Variants in FMNL1 observed in about 807,000 individuals in gnomAD.
FMNL1 encodes the protein formin-like protein 1.
A neutral mutation model predicts 121.3 loss-of-function variants in FMNL1; 43 were observed. That is an observed-to-expected ratio of 0.35 (90% CI 0.28 to 0.46). FMNL1 has a LOEUF of 0.46. Ranked by LOEUF, FMNL1 falls within the 20% of genes least tolerant of loss-of-function variation. FMNL1 has a pLI of 1.00. For synonymous variants in FMNL1, 613 were observed against 613.5 expected, an observed-to-expected ratio of 1.00 and a Z score of 0.01; for missense variants, 1,191 against 1,482.4, an observed-to-expected ratio of 0.80 and a Z score of 3.23.
intron 1 of FMNL1, among the ~76,000 whole-genome samples, chr17:45,227,625 T>C (rs1216630113): frequency 1.3e-5 from 2 of 152,152 alleles, no homozygotes; most frequent in Non-Finnish European, 2.9e-5. Flanking sequence ...TTTCTGGATG[T>C]TTTCACAAAC....
In FMNL1 at chr17:45,245,316, G is replaced by C; in HGVS notation, c.2792G>C (p.Arg931Thr). Residue 931 changes from arginine (R) to threonine (T), a missense_variant, in exon 22 of 27, where the codon AGA (arginine) becomes ACA (threonine). By Grantham distance (71) the Arg-to-Thr change is moderately conservative. Around this residue, in one of 4 missense-constraint regions of FMNL1, gnomAD observed 367 missense variants for 528.6 expected, o/e 0.69. Coordinates refer to ENST00000331495, the MANE Select transcript of FMNL1 (RefSeq NM_005892.4). ...CAGCGAGGCCTAGAGTTGACACAGA[G>C]AGAGTTTGTGCGGCAGGATGACTGC... ...SLQRGLELTQ[R>T]EFVRQDDCMV... is the part of the protein sequence containing the mutation. 1 of 1,614,214 alleles carries C rather than the reference G, an allele frequency of 6.2e-7. No homozygotes were observed. The highest frequency in any genetic ancestry group is 8.5e-7 in the Non-Finnish European group (1 of 1,180,024).
In FMNL1 at chr17:45,237,737, C is replaced by T; in HGVS notation, c.894+98C>T. On this transcript the variant is annotated intron_variant, in intron 9 of 26. Coordinates refer to ENST00000331495, the MANE Select transcript of FMNL1 (RefSeq NM_005892.4). The surrounding 1 kb of genome is among the most constrained non-coding windows in gnomAD (Gnocchi z 4.4). ...GGCCTTTGCTGGAGGCAGCTGGGGA[C>T]ATTGGGTGGGCATTTGGGGAACGCC... The T allele has an allele frequency of 7.4e-7, 1 of 1,351,388 alleles. No homozygotes were observed. Among genetic ancestry groups the T allele is most frequent in the African/African-American group, 1.4e-5 (1 of 69,532 alleles). The allele number at this position is 1,351,388 out of a possible 1,614,324, so 83.7% of individuals were successfully genotyped here. A position where few individuals can be genotyped will look rare whatever the true frequency, so the allele number is the denominator to read the frequency against.
chr17:45,242,315 C>T, intron 15 of FMNL1, 26 bp from the exon 16 acceptor site: 1 of 1,611,622 alleles, frequency 6.2e-7, no homozygotes, highest in Non-Finnish European at 8.5e-7. Flanking sequence ...CCAGTGCTCA[C>T]CACTGCCCCC....
In FMNL1 at chr17:45,241,097, G is replaced by T. The variant is rs775514459; in HGVS notation, c.1231-32G>T. The T allele has an allele frequency of 6.2e-7, 1 of 1,612,458 alleles. No individual in the cohort carries two copies. The highest frequency in any genetic ancestry group is 2.2e-5 in the East Asian group (1 of 44,828). On this transcript the variant is annotated intron_variant, in intron 12 of 26. Transcript: ENST00000331495. This position sits in a 1 kb window ranked among gnomAD's most constrained non-coding sequence, Gnocchi z 7.0. ...ACCGGCGGTGCCAGTGCCGGGCTGCGGGTCGGGGCTCACCATGTGCTGGTG... is the reference window on the plus strand; with the variant it reads ...ACCGGCGGTGCCAGTGCCGGGCTGCTGGTCGGGGCTCACCATGTGCTGGTG...
rs778103956 is a variant in FMNL1, at chr17:45,233,140, C to A, written c.328-84C>A. On this transcript the variant is annotated intron_variant, in intron 3 of 26. Coordinates refer to ENST00000331495, the MANE Select transcript of FMNL1 (RefSeq NM_005892.4). This position sits in a 1 kb window ranked among gnomAD's most constrained non-coding sequence, Gnocchi z 4.1. Reference sequence around the variant, plus strand: ...CTTGTGCCAGTTGGAGGAGGGTGGGCGCTGCTGCCTGCTGCCTCAGGACTT... The same window carrying A: ...CTTGTGCCAGTTGGAGGAGGGTGGGAGCTGCTGCCTGCTGCCTCAGGACTT... The A allele has an allele frequency of 2.2e-6, 3 of 1,390,640 alleles. No individual in the cohort carries two copies. The highest frequency in any genetic ancestry group is 1.2e-5 in the South Asian group (1 of 80,560). 86.1% of individuals were successfully genotyped at this position (1,390,640 alleles called of 1,614,324 possible). A position where few individuals can be genotyped will look rare whatever the true frequency, so the allele number is the denominator to read the frequency against.
chr17:45,243,354 C>T (rs372024077), intron 17 of FMNL1, 34 bp downstream of exon 17: 69 of 1,606,144 alleles, frequency 4.3e-5, no homozygotes, highest in African/African-American at 3.2e-4. Flanking sequence ...GTGGGCAGTC[C>T]GGCCCCTTTG....
At chr17:45,236,020 G>A in intron 6 of FMNL1, 116 bp from the exon 7 acceptor site, 1 of 787,694 alleles carries the variant, frequency 1.3e-6, no homozygotes, top group African/African-American at 1.7e-5. Context: ...GGGTAGATGG[G>A]ATGTGGTGCC....
intron 1 of FMNL1, among the ~76,000 whole-genome samples, chr17:45,224,397 G>A (rs1160405859): frequency 6.6e-6 from 1 of 152,176 alleles, no homozygotes; most frequent in Non-Finnish European, 1.5e-5. Flanking sequence ...AACCACCATG[G>A]CCAGAGCTGA....
chr17:45,223,026 G>C (rs1173304816), intron 1 of FMNL1, among the ~76,000 whole-genome samples: 2 of 152,226 alleles, frequency 1.3e-5, no homozygotes, highest in Non-Finnish European at 2.9e-5. Context: ...TGTTCAGTGG[G>C]GTGGGGGCTC....
rs751966865 is a variant in FMNL1, at chr17:45,245,532, G to T, written c.2893-100G>T. The stretch of plus-strand genomic sequence containing the variant: ...TGGGGGGATGCAGCAGGAATGAGGG[G>T]CCACCCTGCCTGGGAGGAGCTCAGA... On this transcript the variant is annotated intron_variant, in intron 22 of 26. Coordinates refer to ENST00000331495, the MANE Select transcript of FMNL1 (RefSeq NM_005892.4). The T allele has an allele frequency of 5.0e-6, 8 of 1,601,264 alleles. No individual in the cohort carries two copies. In the African/African-American group the frequency reaches 1.1e-4, roughly 21 times the overall value.
intron 1 of FMNL1, among the ~76,000 whole-genome samples, chr17:45,228,092 G>T (rs1192003433): frequency 6.6e-6 from 1 of 152,148 alleles, no homozygotes; most frequent in Non-Finnish European, 1.5e-5. Flanking sequence ...CCCTGGTCTG[G>T]GGGTCTGTTC....
rs1019502472 is a variant in FMNL1 at position 45,245,727 on chromosome 17, C to A, written c.2988C>A (p.Ala996=). 19 of 1,613,830 alleles carry A rather than the reference C, an allele frequency of 1.2e-5. No homozygotes were observed. Among genetic ancestry groups the A allele is most frequent in the Non-Finnish European group, 1.5e-5 (18 of 1,179,956 alleles). The change falls in exon 23 of 27, where the codon GCC becomes GCA. Residue 996 remains alanine (A), a synonymous_variant. Coordinates refer to ENST00000331495, the MANE Select transcript of FMNL1 (RefSeq NM_005892.4). ...FFSLFSRFIK[A]YKKAEQEVEQ... ...CCCTCTTTAGCCGCTTCATTAAGGC[C>A]TACAAGGTATTCGGGTCTGGGGCAG...
intron 11 of FMNL1, among the ~76,000 whole-genome samples, chr17:45,240,024 T>C (rs185716573): frequency 1.3e-5 from 2 of 152,246 alleles, no homozygotes; most frequent in East Asian, 1.9e-4. Context: ...CTCCTGACCT[T>C]AGGTGATCCG....
rs113701881 is a variant in FMNL1 at position 45,239,804 on chromosome 17, C to CTTTTTTTTTTTTTT, written c.1081-663_1081-662insTTTTTTTTTTTTTT. Reference sequence around the variant, plus strand: ...CAAAAGGTCACGTACTCTATGATTGCTTTTTTTTTGAGATGGAGTCTTGCT... The same window carrying CTTTTTTTTTTTTTT: ...CAAAAGGTCACGTACTCTATGATTGCTTTTTTTTTTTTTTTTTTTTTTTGAGATGGAGTCTTGCT... On this transcript the variant is annotated intron_variant, in intron 11 of 26. Transcript: ENST00000331495. Among the ~76,000 whole-genome samples the CTTTTTTTTTTTTTT allele has an allele frequency of 2.0e-5, 3 of 146,854 alleles. 1 individual carries two copies. The highest frequency in any genetic ancestry group is 2.6e-5 in the African/African-American group (1 of 38,868).
At chr17:45,230,822 C>A in intron 2 of FMNL1, 135 bp downstream of exon 2, 1 of 886,070 alleles carries the variant, frequency 1.1e-6, no homozygotes, top group Non-Finnish European at 1.7e-6. Context: ...GCCAATGTAG[C>A]ACCTGGGGAG....
At chr17:45,240,972 G>A (rs1002179641) in intron 12 of FMNL1, 157 bp from the exon 13 acceptor site, 5 of 873,348 alleles carry the variant, frequency 5.7e-6, no homozygotes, top group Non-Finnish European at 7.1e-6. Flanking sequence ...TATTTGCTTG[G>A]GTTCGAGTGC....
intron 10 of FMNL1, 137 bp from the exon 11 acceptor site, chr17:45,238,818 T>C: frequency 1.9e-6 from 2 of 1,067,850 alleles, no homozygotes; most frequent in Non-Finnish European, 2.8e-6. Flanking sequence ...GGAGGTGAAA[T>C]GTTGGGCAGG....
intron 9 of FMNL1, 40 bp from the exon 10 acceptor site, chr17:45,238,524 G>A (rs2043601384): frequency 6.2e-7 from 1 of 1,606,478 alleles, no homozygotes; most frequent in Admixed American, 1.7e-5. Context: ...CTTAGGACGT[G>A]TGTCACTGGG....
intron 6 of FMNL1, 48 bp downstream of exon 6, chr17:45,234,248 C>T: frequency 6.2e-7 from 1 of 1,613,090 alleles, no homozygotes; most frequent in East Asian, 2.2e-5. Context: ...GAATTCAGCC[C>T]CCACACTGCT....
Sources: gnomAD v4.1 joint callset for allele counts (sites outside exome capture counted in the v4.1 genomes callset) on GRCh38, gnomAD v4.1.1 for gene constraint, gnomAD v4.1.1 regional missense constraint, Gnocchi (gnomAD v3.1) non-coding constraint, MANE v1.5 for transcripts, NCBI Gene and HGNC (gene_info 2026-07-23, HGNC 2026-07-21) for gene names.